RALY: variants seen among roughly 807,000 people sequenced by gnomAD.
The protein encoded by RALY is RNA-binding protein Raly.
In RALY, 15 loss-of-function variants were observed where a neutral mutation model predicts 30.7. The observed-to-expected ratio is 0.49, with a 90% CI of 0.33 to 0.75. The LOEUF (loss-of-function observed/expected upper bound fraction) is 0.75, where lower values mean the gene tolerates loss of function less well. Ranked by LOEUF, RALY falls within the 30% of genes least tolerant of loss-of-function variation. The probability of loss-of-function intolerance (pLI) is 0.02; values close to 1 mark genes in which losing one functional copy is unlikely to be tolerated. For synonymous variants in RALY, 177 were observed against 170.8 expected (o/e 1.04, Z -0.28); for missense variants, 339 against 414.3 (o/e 0.82, Z 1.58).
At chr20:34,076,546 G>C in intron 6 of RALY, 156 bp from the exon 7 acceptor site, 1 of 631,318 alleles carries the variant, frequency 1.6e-6, no homozygotes, top group East Asian at 2.8e-5. Context: ...TGGACGCCAG[G>C]TAGTCTAAGG....
chr20:34,040,339 C>CT (rs1165298245), intron 2 of RALY, among the ~76,000 whole-genome samples: 1 of 152,100 alleles, frequency 6.6e-6, no homozygotes, highest in Non-Finnish European at 1.5e-5. Flanking sequence ...AGCATGTCAG[C>CT]TTTTTTAACA....
chr20:34,046,082 GT>G lies in RALY; in HGVS notation c.-10+14481del, dbSNP rs1220979666. 5.3e-5 allele frequency among the ~76,000 whole-genome samples: 8 copies of G among 152,264 alleles called. No homozygotes were observed. In the East Asian group the frequency reaches 1.3e-3, roughly 26 times the overall value. The stretch of plus-strand genomic sequence containing the variant: ...TTGGTCTTTGTCATGTGAATTTACT[GT>G]TTGATTCAGGCCGGTGTCTTTGAAC... On this transcript the variant is annotated intron_variant, in intron 2 of 9. Coordinates refer to ENST00000246194, the MANE Select transcript of RALY (RefSeq NM_016732.3).
intron 2 of RALY, among the ~76,000 whole-genome samples, chr20:34,071,575 GC>G (rs1163682658): frequency 1.3e-5 from 2 of 152,256 alleles, no homozygotes; most frequent in Admixed American, 6.5e-5. Context: ...ACCATGCCCG[GC>G]CCCTGCAATT....
chr20:34,054,846 T>C (rs1028644977), intron 2 of RALY, among the ~76,000 whole-genome samples: 1 of 151,226 alleles, frequency 6.6e-6, no homozygotes, highest in African/African-American at 2.4e-5. Context: ...AAGAAAGAAA[T>C]TGGTTCCAGT....
intron 2 of RALY, among the ~76,000 whole-genome samples, chr20:34,044,529 A>G (rs573287013): frequency 1.3e-5 from 2 of 152,236 alleles, no homozygotes; most frequent in South Asian, 4.1e-4. Flanking sequence ...CATGTTGGTC[A>G]GGCTGGTCTT....
chr20:34,037,941 C>T (rs1051424436), intron 2 of RALY, among the ~76,000 whole-genome samples: 3 of 152,158 alleles, frequency 2.0e-5, no homozygotes, highest in African/African-American at 4.8e-5. Context: ...GGGAGGCTGC[C>T]AGAGCAGCTC....
intron 1 of RALY, among the ~76,000 whole-genome samples, chr20:34,021,947 G>T (rs2031841344): frequency 6.6e-6 from 1 of 150,512 alleles, no homozygotes; most frequent in African/African-American, 2.4e-5. Context: ...ATAGAGACGG[G>T]TCTTGCTCTG....
intron 2 of RALY, among the ~76,000 whole-genome samples, chr20:34,039,761 A>G (rs1308474574): frequency 6.6e-6 from 1 of 152,140 alleles, no homozygotes; most frequent in African/African-American, 2.4e-5. Context: ...ATGACCCCCA[A>G]TTCAGATTCC....
chr20:34,072,041 C>T, intron 2 of RALY, 25 bp from the exon 3 acceptor site: 2 of 1,607,102 alleles, frequency 1.2e-6, no homozygotes, highest in Non-Finnish European at 1.7e-6. Context: ...AGGGACCCAG[C>T]TTCACCGAGG....
At chr20:34,052,960 A>G (rs189653914) in intron 2 of RALY, among the ~76,000 whole-genome samples, 23 of 152,314 alleles carry the variant, frequency 1.5e-4, no homozygotes, top group African/African-American at 5.5e-4. Flanking sequence ...GTGGCAGAGG[A>G]AGTTGGCTTT....
intron 1 of RALY, among the ~76,000 whole-genome samples, chr20:33,995,033 T>C (rs2030541945): frequency 6.6e-6 from 1 of 152,182 alleles, no homozygotes; most frequent in Non-Finnish European, 1.5e-5. Flanking sequence ...TATTTCCTGG[T>C]GTGAGCATGT....
chr20:34,068,209 C>G, intron 2 of RALY, among the ~76,000 whole-genome samples: 1 of 152,144 alleles, frequency 6.6e-6, no homozygotes, highest in South Asian at 2.1e-4. Context: ...ACCTTGCTCT[C>G]AATTACACAG....
Position 34,084,302 on chromosome 20 carries a change from C to CA in RALY, c.*4400dup, listed in dbSNP as rs573704998. On this transcript the variant is annotated 3_prime_UTR_variant, in exon 10 of 10. Coordinates refer to ENST00000246194, the MANE Select transcript of RALY (RefSeq NM_016732.3). ...TGCCGCTGCACTCCAGCCTGGGTGACAAAGCGAGACCCCAACTCAAGGGGA... is the reference window on the plus strand; with the variant it reads ...TGCCGCTGCACTCCAGCCTGGGTGACAAAAGCGAGACCCCAACTCAAGGGGA... The CA allele has an allele frequency of 1.3e-3, 198 of 152,312 alleles. No homozygotes were observed. Among genetic ancestry groups the CA allele is most frequent in the African/African-American group, 4.6e-3 (191 of 41,510 alleles). The allele number at this position is 152,312 out of a possible 1,614,324, so 9.4% of individuals were successfully genotyped here. A position where few individuals can be genotyped will look rare whatever the true frequency, so the allele number is the denominator to read the frequency against.
intron 1 of RALY, among the ~76,000 whole-genome samples, chr20:33,997,807 C>A (rs868866893): frequency 3.3e-5 from 5 of 152,102 alleles, no homozygotes; most frequent in Admixed American, 6.6e-5. Flanking sequence ...GGAATATTGT[C>A]CTGATAACAA....
intron 2 of RALY, among the ~76,000 whole-genome samples, chr20:34,042,879 G>C (rs567734179): frequency 2.0e-4 from 30 of 152,340 alleles, no homozygotes; most frequent in African/African-American, 7.2e-4. Flanking sequence ...AAGAGTGTCA[G>C]ATGACTTAGT....
Position 34,056,369 on chromosome 20 carries a change from C to T in RALY, c.-9-15697C>T, listed in dbSNP as rs946749757. On this transcript the variant is annotated intron_variant, in intron 2 of 9. Coordinates refer to ENST00000246194, the MANE Select transcript of RALY (RefSeq NM_016732.3). Reference sequence around the variant, plus strand: ...GAGTCGTCTCCCTTTCTTTCTGTCCCTTAGGTAATTGACATGCCTCCAAGT... The same window carrying T: ...GAGTCGTCTCCCTTTCTTTCTGTCCTTTAGGTAATTGACATGCCTCCAAGT... 4.6e-5 allele frequency among the ~76,000 whole-genome samples: 7 copies of T among 152,142 alleles called. No homozygotes were observed. In the East Asian group the frequency reaches 1.3e-3, roughly 29 times the overall value.
intron 1 of RALY, among the ~76,000 whole-genome samples, chr20:34,003,035 C>T (rs550961303): frequency 2.0e-5 from 3 of 152,248 alleles, no homozygotes; most frequent in Non-Finnish European, 2.9e-5. Flanking sequence ...GAACACTTTG[C>T]AGCAAGGAGC....
chr20:34,037,593 T>C (rs753533889), intron 2 of RALY, among the ~76,000 whole-genome samples: 1 of 152,212 alleles, frequency 6.6e-6, no homozygotes, highest in South Asian at 2.1e-4. Context: ...GCTGGTGACT[T>C]ACTTGTGGCC....
Position 34,082,355 on chromosome 20 carries a change from A to C in RALY, c.*2450A>C, listed in dbSNP as rs922426477. The C allele has an allele frequency of 6.6e-6, 1 of 152,166 alleles. No homozygotes were observed. The highest frequency in any genetic ancestry group is 1.9e-4 in the East Asian group (1 of 5,180). The allele number at this position is 152,166 out of a possible 1,614,324, so 9.4% of individuals were successfully genotyped here. On this transcript the variant is annotated 3_prime_UTR_variant, in exon 10 of 10. Transcript: ENST00000246194. ...GGATTTAGAGCTGAATGAACCTCAC[A>C]CTGAGGGCACAATAGCACTAGGCAC... is the stretch of plus-strand genomic sequence containing the variant.
Sources: gnomAD v4.1 joint callset for allele counts (sites outside exome capture counted in the v4.1 genomes callset) on GRCh38, gnomAD v4.1.1 for gene constraint, MANE v1.5 for transcripts, NCBI Gene and HGNC (gene_info 2026-07-23, HGNC 2026-07-21) for gene names.